The following VCAN variants were observed in gnomAD, a reference collection of about 807,000 sequenced individuals.
VCAN encodes the protein versican.
Under a neutral mutation model 245.5 loss-of-function variants are expected in VCAN, and 44 were observed. That is an observed-to-expected ratio of 0.18 (90% confidence interval 0.14 to 0.23). The LOEUF is 0.23. VCAN is among the 10% of genes least tolerant of loss of function. The probability of loss-of-function intolerance (pLI) is 1.00; values close to 1 mark genes in which losing one functional copy is unlikely to be tolerated. For missense variants in VCAN, 3,793 were observed against 4,057.9 expected (o/e 0.93, Z 1.77); for synonymous variants, 1,413 against 1,437.0 (o/e 0.98, Z 0.38).
In VCAN at chr5:83,520,797, C is replaced by G. The variant is rs913064904; in HGVS notation, c.2491C>G (p.Leu831Val). ...SASSKLPPALLTTVGMNGKDK... is the reference protein window; with the variant it reads ...SASSKLPPALVTTVGMNGKDK... ...CTCTTCAAAATTGCCCCCTGCCTTA[C>G]TCACAACTGTGGGGATGAATGGAAA... is the stretch of plus-strand genomic sequence containing the variant. The change falls in exon 7 of 15, where the codon CTC becomes GTC. Residue 831 changes from leucine to valine, a missense_variant. Leu to Val is a conservative substitution (Grantham distance 32). Around this residue, in one of 5 missense-constraint regions of VCAN, gnomAD observed 3,182 missense variants for 3,250.3 expected, o/e 0.98. Coordinates refer to ENST00000265077, the MANE Select transcript of VCAN (RefSeq NM_004385.5). 1 of 1,614,108 alleles carries G rather than the reference C, an allele frequency of 6.2e-7. No individual in the cohort carries two copies. The highest frequency in any genetic ancestry group is 8.5e-7 in the Non-Finnish European group (1 of 1,179,988).
chr5:83,479,098 G>A (rs988236050), intron 1 of VCAN, among the ~76,000 whole-genome samples: 5 of 152,216 alleles, frequency 3.3e-5, no homozygotes, highest in East Asian at 1.9e-4. Context: ...CCTAAATCAC[G>A]TGATTTCTCT....
chr5:83,480,568 G>A (rs1457845687), intron 1 of VCAN, among the ~76,000 whole-genome samples: 3 of 152,174 alleles, frequency 2.0e-5, no homozygotes, highest in African/African-American at 7.2e-5. Flanking sequence ...CGTTGATCAT[G>A]TATTTGATCT....
intron 5 of VCAN, among the ~76,000 whole-genome samples, chr5:83,501,370 T>G (rs1288739037): frequency 2.0e-5 from 3 of 152,200 alleles, no homozygotes; most frequent in Non-Finnish European, 4.4e-5. Context: ...TAAGAAAACA[T>G]TGCCAAATCC....
In VCAN at chr5:83,490,355, G is replaced by T. The variant is rs1325271655; in HGVS notation, c.328G>T (p.Val110Leu). The T allele has an allele frequency of 1.2e-6, 2 of 1,614,116 alleles. No homozygotes were observed. Among genetic ancestry groups the T allele is most frequent in the Admixed American group, 1.7e-5 (1 of 60,012 alleles). Reference protein sequence around the residue: ...RVSVPTHPEAVGDASLTVVKL... With the variant: ...RVSVPTHPEALGDASLTVVKL... Reference sequence around the variant, plus strand: ...GTCTGTGCCCACACATCCCGAGGCTGTGGGCGATGCCTCCCTCACTGTGGT... The same window carrying T: ...GTCTGTGCCCACACATCCCGAGGCTTTGGGCGATGCCTCCCTCACTGTGGT... The change falls in exon 3 of 15, where the codon GTG (valine) becomes TTG (leucine). Residue 110 changes from valine to leucine, a missense_variant. Val to Leu is a conservative substitution (Grantham distance 32, BLOSUM62 1). This residue lies in a region of VCAN where 179 missense variants were observed against 169.7 expected (regional missense o/e 1.05). Coordinates refer to ENST00000265077, the MANE Select transcript of VCAN (RefSeq NM_004385.5).
intron 6 of VCAN, among the ~76,000 whole-genome samples, chr5:83,518,520 A>G (rs1745947912): frequency 6.6e-6 from 1 of 152,202 alleles, no homozygotes; most frequent in African/African-American, 2.4e-5. Flanking sequence ...CCTGTTCTAC[A>G]TTTGTGTTTC....
At chr5:83,473,108 G>C (rs1330069414) in intron 1 of VCAN, among the ~76,000 whole-genome samples, 1 of 152,246 alleles carries the variant, frequency 6.6e-6, no homozygotes, top group Non-Finnish European at 1.5e-5. Flanking sequence ...GCGCGCGTGT[G>C]CCGGGAGCCC....
At chr5:83,546,742 G>A (rs1359885851) in intron 9 of VCAN, among the ~76,000 whole-genome samples, 5 of 152,146 alleles carry the variant, frequency 3.3e-5, no homozygotes, top group Admixed American at 6.5e-5. Flanking sequence ...CTGGCACTCA[G>A]CAAGCACCAT....
chr5:83,521,124 G>C lies in VCAN; in HGVS notation c.2818G>C (p.Val940Leu), dbSNP rs762676917. Residue 940 changes from valine (V) to leucine (L), a missense_variant, in exon 7 of 15, where the codon GTT becomes CTT. Val to Leu is a conservative substitution (Grantham distance 32, BLOSUM62 1). Transcript: ENST00000265077. The part of the protein sequence containing the change: ...DVDLSKPVST[V>L]PQFAHTSEVE... ...GGACCTCTCTAAGCCAGTATCTACT[G>C]TTCCCCAATTTGCACACACTTCAGA... is the stretch of plus-strand genomic sequence containing the variant. 6.2e-7 allele frequency: 1 copy of C among 1,613,966 alleles called. No individual in the cohort carries two copies. The highest frequency in any genetic ancestry group is 8.5e-7 in the Non-Finnish European group (1 of 1,179,984).
At chr5:83,498,693 C>T (rs1745238511) in intron 5 of VCAN, among the ~76,000 whole-genome samples, 1 of 152,156 alleles carries the variant, frequency 6.6e-6, no homozygotes, top group Non-Finnish European at 1.5e-5. Context: ...TCTAGTTTTG[C>T]ATGTTTAGCT....
chr5:83,553,808 A>G (rs1737319806), intron 11 of VCAN, among the ~76,000 whole-genome samples: 1 of 152,204 alleles, frequency 6.6e-6, no homozygotes, highest in South Asian at 2.1e-4. Flanking sequence ...TTTTAAATAT[A>G]CAAAAACAGC....
At chr5:83,498,943 A>G (rs1047491634) in intron 5 of VCAN, among the ~76,000 whole-genome samples, 17 of 152,174 alleles carry the variant, frequency 1.1e-4, no homozygotes, top group African/African-American at 4.1e-4. Context: ...TTCAAAACCT[A>G]TACCTGCTCT....
intron 5 of VCAN, among the ~76,000 whole-genome samples, chr5:83,505,952 G>A (rs943671703): frequency 6.6e-6 from 1 of 152,218 alleles, no homozygotes; most frequent in Non-Finnish European, 1.5e-5. Flanking sequence ...CACAGCCCAA[G>A]CTGTACACTG....
chr5:83,518,558 C>A (rs1745949112), intron 6 of VCAN, among the ~76,000 whole-genome samples: 1 of 152,110 alleles, frequency 6.6e-6, no homozygotes, highest in Admixed American at 6.5e-5. Context: ...GAAACAAGAT[C>A]CTTAGGAGAT....
chr5:83,559,878 G>A (rs1044815606), intron 12 of VCAN, among the ~76,000 whole-genome samples: 2 of 151,972 alleles, frequency 1.3e-5, no homozygotes, highest in African/African-American at 4.8e-5. Flanking sequence ...ATCCTGAAAT[G>A]AACACATTAT....
intron 5 of VCAN, among the ~76,000 whole-genome samples, chr5:83,503,661 A>G (rs1214152844): frequency 3.3e-5 from 5 of 152,250 alleles, no homozygotes; most frequent in African/African-American, 1.2e-4. Context: ...AAACATAATC[A>G]TGTATCACAT....
chr5:83,508,154 A>T (rs1287944385), intron 5 of VCAN, among the ~76,000 whole-genome samples: 2 of 152,100 alleles, frequency 1.3e-5, no homozygotes, highest in East Asian at 3.9e-4. Context: ...TAATCCTGGG[A>T]GGCAATTGGC....
At chr5:83,574,159 T>G (rs1386045765) in intron 13 of VCAN, among the ~76,000 whole-genome samples, 1 of 151,992 alleles carries the variant, frequency 6.6e-6, no homozygotes, top group Non-Finnish European at 1.5e-5. Flanking sequence ...CTGTATCTGT[T>G]CTCTCTGGGC....
Position 83,520,130 on chromosome 5 carries a change from T to C in VCAN, c.1824T>C (p.Pro608=), listed in dbSNP as rs1416365160. The C allele has an allele frequency of 6.2e-7, 1 of 1,613,922 alleles. No individual in the cohort carries two copies. Among genetic ancestry groups the C allele is most frequent in the Non-Finnish European group, 8.5e-7 (1 of 1,179,982 alleles). Residue 608 remains proline (P), a synonymous_variant, in exon 7 of 15, where the codon CCT becomes CCC. Coordinates refer to ENST00000265077, the MANE Select transcript of VCAN (RefSeq NM_004385.5). ...ESVSASTTVS[P]LIMPDNNGSS... Reference sequence around the variant, plus strand: ...TCTCAGCATCCACAACTGTTTCCCCTTTAATTATGCCTGATAATAATGGAT... The same window carrying C: ...TCTCAGCATCCACAACTGTTTCCCCCTTAATTATGCCTGATAATAATGGAT...
intron 5 of VCAN, among the ~76,000 whole-genome samples, chr5:83,502,818 T>C (rs1745372220): frequency 6.6e-6 from 1 of 152,202 alleles, no homozygotes; most frequent in Admixed American, 6.5e-5. Context: ...AAGTTTATGC[T>C]TTAAGCCACG....
Sources: gnomAD v4.1 joint callset for allele counts (sites outside exome capture counted in the v4.1 genomes callset) on GRCh38, gnomAD v4.1.1 for gene constraint, gnomAD v4.1.1 regional missense constraint, MANE v1.5 for transcripts, NCBI Gene and HGNC (gene_info 2026-07-23, HGNC 2026-07-21) for gene names.